Variants in NRXN3 observed in about 807,000 individuals in gnomAD.
The protein encoded by NRXN3 is neurexin 3.
NRXN3 carries 32 observed loss-of-function variants against 137.6 expected under a neutral mutation model. The ratio of observed to expected loss-of-function variants is 0.23; its 90% CI spans 0.18 to 0.31. The LOEUF is 0.31. NRXN3 is among the 10% of genes least tolerant of loss of function. The pLI, the probability that NRXN3 is intolerant of heterozygous loss-of-function variation, is 1.00. For missense variants in NRXN3, 1,574 were observed against 2,062.5 expected, an observed-to-expected ratio of 0.76 and a Z score of 4.59; for synonymous variants, 798 against 784.5, an observed-to-expected ratio of 1.02 and a Z score of -0.29.
chr14:78,633,267 A>AAAAAAAAAAAAAAGAG (rs1376443966), intron 4 of NRXN3, among the ~76,000 whole-genome samples: 33 of 150,178 alleles, frequency 2.2e-4, no homozygotes, highest in African/African-American at 7.7e-4. Flanking sequence ...AAAAAAAAAA[A>AAAAAAAAAAAAAAGAG]AGAGACTGGT....
At chr14:78,314,878 G>A (rs11159351) in intron 4 of NRXN3, among the ~76,000 whole-genome samples, 6 of 75,136 alleles carry the variant, frequency 8.0e-5, no homozygotes, top group African/African-American at 2.9e-4. Context: ...TTTCTTTTCC[G>A]TTCTTTCTTT....
chr14:79,530,320 T>G (rs996737564), intron 16 of NRXN3, among the ~76,000 whole-genome samples: 1 of 152,148 alleles, frequency 6.6e-6, no homozygotes, highest in South Asian at 2.1e-4. Flanking sequence ...AAAATGACAC[T>G]CTATATAACT....
At chr14:78,415,367 A>ATATGAGAGAATG (rs1436567508) in intron 4 of NRXN3, among the ~76,000 whole-genome samples, 1 of 152,192 alleles carries the variant, frequency 6.6e-6, no homozygotes, top group Admixed American at 6.5e-5. Flanking sequence ...CTCATAACAA[A>ATATGAGAGAATG]CTGTCACAAC....
chr14:79,199,717 G>T (rs887439891), intron 15 of NRXN3, among the ~76,000 whole-genome samples: 3 of 152,172 alleles, frequency 2.0e-5, no homozygotes, highest in African/African-American at 7.2e-5. Context: ...ACTGGATTTT[G>T]GATAACACTG....
At chr14:79,389,524 A>T (rs1299385296) in intron 15 of NRXN3, among the ~76,000 whole-genome samples, 1 of 152,178 alleles carries the variant, frequency 6.6e-6, no homozygotes, top group African/African-American at 2.4e-5. Flanking sequence ...ACACATTCAA[A>T]CCATAGCATT....
chr14:79,064,346 G>A (rs1426122984), intron 15 of NRXN3, among the ~76,000 whole-genome samples: 1 of 152,006 alleles, frequency 6.6e-6, no homozygotes, highest in Non-Finnish European at 1.5e-5. Context: ...GTGGTATAGA[G>A]GTTCAGGAAG....
intron 10 of NRXN3, among the ~76,000 whole-genome samples, chr14:78,824,103 C>T (rs894881801): frequency 2.4e-3 from 234 of 98,896 alleles, no homozygotes; most frequent in South Asian, 3.3e-3. Flanking sequence ...TCACCTGCTT[C>T]TTTTTTTTTT....
chr14:79,258,183 AT>A (rs913928098), intron 15 of NRXN3, among the ~76,000 whole-genome samples: 4 of 152,090 alleles, frequency 2.6e-5, no homozygotes, highest in African/African-American at 9.6e-5. Flanking sequence ...GTTAAGCTTC[AT>A]TTCTTCTCTT....
intron 15 of NRXN3, 33 bp from the exon 16 acceptor site, chr14:79,467,188 C>T (rs748510088): frequency 1.3e-6 from 2 of 1,574,140 alleles, no homozygotes; most frequent in African/African-American, 1.3e-5. Flanking sequence ...CAATGTAGTG[C>T]CTTGATGTCT....
intron 16 of NRXN3, among the ~76,000 whole-genome samples, chr14:79,495,985 A>G (rs2153663915): frequency 6.6e-6 from 1 of 151,988 alleles, no homozygotes; most frequent in East Asian, 1.9e-4. Context: ...CAAAAAATCC[A>G]GTCAACAGAA....
intron 4 of NRXN3, among the ~76,000 whole-genome samples, chr14:78,377,484 T>C (rs1454604416): frequency 6.6e-5 from 10 of 152,194 alleles, no homozygotes; most frequent in African/African-American, 1.9e-4. Flanking sequence ...AAATTGGTAA[T>C]AGGTAATTGG....
At chr14:78,742,953 A>T (rs1374763558) in intron 8 of NRXN3, among the ~76,000 whole-genome samples, 2 of 152,044 alleles carry the variant, frequency 1.3e-5, no homozygotes, top group African/African-American at 4.8e-5. Flanking sequence ...AAGGTCTAAT[A>T]CTCCTTTTAT....
intron 10 of NRXN3, among the ~76,000 whole-genome samples, chr14:78,940,798 G>A (rs1004307413): frequency 3.3e-5 from 5 of 152,056 alleles, no homozygotes; most frequent in Non-Finnish European, 5.9e-5. Flanking sequence ...ATATGTTTTT[G>A]TAAATTATTA....
At chr14:78,822,281 CTG>C (rs1567416825) in intron 10 of NRXN3, among the ~76,000 whole-genome samples, 35 of 152,144 alleles carry the variant, frequency 2.3e-4, no homozygotes, top group African/African-American at 8.4e-4. Context: ...TGAGTGATTT[CTG>C]CCATTATGGG....
intron 16 of NRXN3, among the ~76,000 whole-genome samples, chr14:79,534,736 A>C (rs1384021121): frequency 6.6e-6 from 1 of 152,202 alleles, no homozygotes; most frequent in Non-Finnish European, 1.5e-5. Context: ...ACTTGTTTGC[A>C]ATTGAAAACC....
intron 19 of NRXN3, among the ~76,000 whole-genome samples, chr14:79,732,132 T>A (rs985730406): frequency 2.6e-5 from 4 of 152,054 alleles, no homozygotes; most frequent in African/African-American, 4.8e-5. Context: ...CCTGGTAAAC[T>A]GGATTTTTTT....
At chr14:78,515,732 T>A (rs532226274) in intron 4 of NRXN3, among the ~76,000 whole-genome samples, 3 of 151,828 alleles carry the variant, frequency 2.0e-5, no homozygotes, top group Non-Finnish European at 4.4e-5. Context: ...AAAACAGAGT[T>A]CAAAAGAGGA....
chr14:78,532,599 C>T (rs2096483251), intron 4 of NRXN3, among the ~76,000 whole-genome samples: 1 of 152,012 alleles, frequency 6.6e-6, no homozygotes, highest in South Asian at 2.1e-4. Context: ...ACATGATCTT[C>T]AACCTCTCCC....
At chr14:78,686,504 A>G (rs781071322) in intron 6 of NRXN3, among the ~76,000 whole-genome samples, 1 of 152,210 alleles carries the variant, frequency 6.6e-6, no homozygotes, top group Non-Finnish European at 1.5e-5. Flanking sequence ...AGGTTTTGCC[A>G]TTGGTGAGAG....
Sources: allele counts gnomAD v4.1 joint callset (sites outside exome capture counted in the v4.1 genomes callset), GRCh38; gene constraint gnomAD v4.1.1; transcripts MANE v1.5; gene names NCBI Gene and HGNC (gene_info 2026-07-23, HGNC 2026-07-21).